ETNK2: variants seen among roughly 807,000 people sequenced by gnomAD.
ETNK2 encodes the protein ethanolamine kinase-like protein.
ETNK2 carries 33 observed loss-of-function variants against 46.2 expected under a neutral mutation model. The ratio of observed to expected loss-of-function variants is 0.71; its 90% CI spans 0.54 to 0.96. ETNK2 has a LOEUF of 0.96. ETNK2 is among the 40% of genes least tolerant of loss of function. The probability of loss-of-function intolerance (pLI) is 0.00; values close to 1 mark genes in which losing one functional copy is unlikely to be tolerated. For missense variants in ETNK2, 445 were observed against 509.7 expected (o/e 0.87, Z 1.22); for synonymous variants, 194 against 209.0 (o/e 0.93, Z 0.62).
intron 3 of ETNK2, 42 bp downstream of exon 3, chr1:204,146,600 G>A: frequency 6.2e-7 from 1 of 1,611,196 alleles, no homozygotes; most frequent in Non-Finnish European, 8.5e-7. Context: ...GGGGAAGGGA[G>A]ATCATATTAA....
In ETNK2 at chr1:204,131,863, A is replaced by G. The variant is rs1412264137; in HGVS notation, c.*321T>C. On this transcript the variant is annotated 3_prime_UTR_variant, in exon 8 of 8. Coordinates refer to ENST00000367202, the MANE Select transcript of ETNK2 (RefSeq NM_018208.4). The surrounding 1 kb of genome is among the most constrained non-coding windows in gnomAD (Gnocchi z 4.3). ...TAAACACACATATAAGGCAGCCCCA[A>G]TTCCAGCAGGGCCTGAGGCTGGGAA... is the stretch of plus-strand genomic sequence containing the variant. The G allele has an allele frequency of 5.6e-6, 2 of 359,188 alleles. No individual in the cohort carries two copies. Among genetic ancestry groups the G allele is most frequent in the Non-Finnish European group, 1.0e-5 (2 of 190,578 alleles). The allele number at this position is 359,188 out of a possible 1,614,324, so 22.3% of individuals were successfully genotyped here. A position where few individuals can be genotyped will look rare whatever the true frequency, so the allele number is the denominator to read the frequency against.
At chr1:204,134,310 A>T (rs1368698490) in intron 7 of ETNK2, among the ~76,000 whole-genome samples, 1 of 152,154 alleles carries the variant, frequency 6.6e-6, no homozygotes, top group African/African-American at 2.4e-5. Context: ...AACAGGGAGG[A>T]TATGACACTT....
intron 3 of ETNK2, 104 bp downstream of exon 3, chr1:204,146,538 C>T (rs1212087844): frequency 7.2e-6 from 10 of 1,385,708 alleles, no homozygotes; most frequent in South Asian, 2.6e-5. Context: ...GCCTCCTCCC[C>T]GAGACCTAAG....
At chr1:204,141,132 A>G in intron 4 of ETNK2, 183 bp downstream of exon 4, 1 of 798,258 alleles carries the variant, frequency 1.3e-6, no homozygotes, top group Non-Finnish European at 2.1e-6. Flanking sequence ...GGCCCTTGGC[A>G]CAGACTTTTC....
chr1:204,151,016 G>C lies in ETNK2; in HGVS notation c.258+579C>G. On this transcript the variant is annotated intron_variant, in intron 1 of 7. Transcript: ENST00000367202. The surrounding 1 kb of genome is among the most constrained non-coding windows in gnomAD (Gnocchi z 8.0). ...CCCACAGGTGTGTCCTGGGACCTGT[G>C]TCCAGCTGGGGCTGGGGAAGATGGC... 5.9e-6 allele frequency: 1 copy of C among 169,754 alleles called. No individual in the cohort carries two copies. The highest frequency in any genetic ancestry group is 1.6e-4 in the South Asian group (1 of 6,368). The allele number at this position is 169,754 out of a possible 1,614,324, so 10.5% of individuals were successfully genotyped here.
intron 4 of ETNK2, among the ~76,000 whole-genome samples, chr1:204,140,396 T>C (rs1657461162): frequency 6.6e-6 from 1 of 152,212 alleles, no homozygotes; most frequent in Non-Finnish European, 1.5e-5. Flanking sequence ...TAAAGACAGC[T>C]GTCCTCAGCA....
Position 204,140,053 on chromosome 1 carries a change from G to A in ETNK2, c.850C>T (p.His284Tyr). ...CTCTCACCTGCAAACTCATTGAAAT[G>A]GTTGCCAATGTCAAAAGCTTGGTAG... ...YNYQAFDIGN[H>Y]FNEFAGVNEV... The change falls in exon 5 of 8, where the codon CAT (histidine) becomes TAT (tyrosine). Residue 284 changes from histidine (H) to tyrosine (Y), a missense_variant. Physicochemically the swap from His to Tyr is moderately conservative, Grantham distance 83. Coordinates refer to ENST00000367202, the MANE Select transcript of ETNK2 (RefSeq NM_018208.4). 1 of 1,613,914 alleles carries A rather than the reference G, an allele frequency of 6.2e-7. No homozygotes were observed. Among genetic ancestry groups the A allele is most frequent in the Non-Finnish European group, 8.5e-7 (1 of 1,179,846 alleles).
chr1:204,135,015 G>A (rs933998976), intron 6 of ETNK2, among the ~76,000 whole-genome samples: 10 of 152,186 alleles, frequency 6.6e-5, no homozygotes, highest in African/African-American at 2.2e-4. Flanking sequence ...TGGTCAGTGG[G>A]GGGCTGGAGC....
In ETNK2 at chr1:204,140,029, TCTCACCTGCAAA is replaced by T; in HGVS notation, c.862_868+5del. 6.2e-7 allele frequency: 1 copy of T among 1,612,896 alleles called. No homozygotes were observed. The highest frequency in any genetic ancestry group is 1.3e-5 in the African/African-American group (1 of 75,024). On this transcript the variant is annotated splice_donor_variant and splice_donor_5th_base_variant and coding_sequence_variant and intron_variant, in exon 5 of 8. Transcript: ENST00000367202. LOFTEE classifies it high-confidence loss of function. ...AAGCACATGACTGTAGAAATGCCCC[TCTCACCTGCAAA>T]CTCATTGAAATGGTTGCCAATGTCA...
intron 5 of ETNK2, among the ~76,000 whole-genome samples, chr1:204,137,567 C>A (rs1657340185): frequency 6.6e-6 from 1 of 152,138 alleles, no homozygotes; most frequent in South Asian, 2.1e-4. Flanking sequence ...TTTCCCAACC[C>A]CTGCACAAAA....
chr1:204,148,711 GCATGCACAAACA>G (rs1657890088), intron 2 of ETNK2, among the ~76,000 whole-genome samples: 1 of 152,182 alleles, frequency 6.6e-6, no homozygotes, highest in Non-Finnish European at 1.5e-5. Flanking sequence ...CCTGCAGAAG[GCATGCACAAACA>G]CAGCCAGGTG....
At position 204,133,066 on chromosome 1, in the gene ETNK2, C is replaced by T. The variant is rs77038814; in HGVS notation, c.1089-810G>A. ...GCGTAATGTCCTCAAGATTCATCCA[C>T]GTTGTAGCAAGTGACATTTCCTTCG... On this transcript the variant is annotated intron_variant, in intron 7 of 7. Transcript: ENST00000367202. Among the ~76,000 whole-genome samples, 1,382 of 152,188 alleles carry T rather than the reference C, an allele frequency of 9.1e-3. 19 individuals are homozygous for T. Among genetic ancestry groups the T allele is most frequent in the African/African-American group, 0.031 (1,300 of 41,512 alleles).
rs1358700676 is a variant in ETNK2 at position 204,151,513 on chromosome 1, G to A, written c.258+82C>T. On this transcript the variant is annotated intron_variant, in intron 1 of 7. Coordinates refer to ENST00000367202, the MANE Select transcript of ETNK2 (RefSeq NM_018208.4). This position sits in a 1 kb window ranked among gnomAD's most constrained non-coding sequence, Gnocchi z 8.0. ...CGCGCACCCCTGGGACTGACACCCGGAAGGATGCGAGGACTGGGTCCCCGC... is the reference window on the plus strand; with the variant it reads ...CGCGCACCCCTGGGACTGACACCCGAAAGGATGCGAGGACTGGGTCCCCGC... The A allele has an allele frequency of 3.3e-6, 5 of 1,525,884 alleles. No homozygotes were observed. The highest frequency in any genetic ancestry group is 4.4e-6 in the Non-Finnish European group (5 of 1,133,670). 94.5% of individuals were successfully genotyped at this position (1,525,884 alleles called of 1,614,324 possible).
At chr1:204,134,707 T>C (rs781494724) in intron 6 of ETNK2, 119 bp from the exon 7 acceptor site, 6 of 1,603,236 alleles carry the variant, frequency 3.7e-6, no homozygotes. Flanking sequence ...GGAAGAGATG[T>C]GGTGGGGTCT....
Position 204,132,030 on chromosome 1 carries a change from C to A in ETNK2, c.*154G>T. On this transcript the variant is annotated 3_prime_UTR_variant, in exon 8 of 8. Transcript: ENST00000367202. Reference sequence around the variant, plus strand: ...AGAATGAGGTCTTCAGTGGCAACCACTGGGGTCTGGCGGCAGGGACAGAGC... The same window carrying A: ...AGAATGAGGTCTTCAGTGGCAACCAATGGGGTCTGGCGGCAGGGACAGAGC... The A allele has an allele frequency of 1.5e-6, 1 of 681,552 alleles. No homozygotes were observed. The highest frequency in any genetic ancestry group is 2.7e-6 in the Non-Finnish European group (1 of 376,460). 42.2% of individuals were successfully genotyped at this position (681,552 alleles called of 1,614,324 possible).
intron 3 of ETNK2, chr1:204,142,039 C>G (rs1275670581): frequency 1.9e-5 from 3 of 154,792 alleles, no homozygotes; most frequent in Admixed American, 6.4e-5. Context: ...ATGCACCCCC[C>G]TCTCACCCCA....
At chr1:204,142,388 G>C (rs1288604980) in intron 3 of ETNK2, 2 of 152,258 alleles carry the variant, frequency 1.3e-5, no homozygotes, top group Non-Finnish European at 2.9e-5. Flanking sequence ...AGCCATTTCT[G>C]CTGAAAGAAA....
At chr1:204,143,672 C>T (rs1024714323) in intron 3 of ETNK2, among the ~76,000 whole-genome samples, 1 of 152,188 alleles carries the variant, frequency 6.6e-6, no homozygotes, top group Non-Finnish European at 1.5e-5. Flanking sequence ...TGGGGTTCCT[C>T]CTGATATTGG....
chr1:204,139,952 T>C (rs1657435627), intron 5 of ETNK2, 83 bp downstream of exon 5: 6 of 1,112,364 alleles, frequency 5.4e-6, no homozygotes, highest in Non-Finnish European at 8.3e-6. Context: ...TACAGTAATC[T>C]CATAGGACCA....
Sources: gnomAD v4.1 joint callset for allele counts (sites outside exome capture counted in the v4.1 genomes callset) on GRCh38, gnomAD v4.1.1 for gene constraint, Gnocchi (gnomAD v3.1) non-coding constraint, MANE v1.5 for transcripts, NCBI Gene and HGNC (gene_info 2026-07-23, HGNC 2026-07-21) for gene names.